The following DSCAM variants were observed in gnomAD, a reference collection of about 807,000 sequenced individuals.
The protein encoded by DSCAM is DS cell adhesion molecule.
In DSCAM, 47 loss-of-function variants were observed where a neutral mutation model predicts 217.7. The observed-to-expected ratio is 0.22, with a 90% CI of 0.17 to 0.28. The LOEUF is 0.28. DSCAM is among the 10% of genes least tolerant of loss of function. The pLI is 1.00. For synonymous variants in DSCAM, 1,056 were observed against 1,015.3 expected, an observed-to-expected ratio of 1.04 and a Z score of -0.76; for missense variants, 2,080 against 2,618.3, an observed-to-expected ratio of 0.79 and a Z score of 4.49.
chr21:40,512,901 T>C (rs2076271178), intron 3 of DSCAM, among the ~76,000 whole-genome samples: 1 of 152,162 alleles, frequency 6.6e-6, no homozygotes, highest in Non-Finnish European at 1.5e-5. Flanking sequence ...TATTTTTATT[T>C]ATTTATTTAT....
intron 3 of DSCAM, among the ~76,000 whole-genome samples, chr21:40,573,865 A>T (rs1052774677): frequency 1.4e-4 from 22 of 152,280 alleles, no homozygotes; most frequent in African/African-American, 5.3e-4. Context: ...TATGCCATTA[A>T]AGATACAGCC....
chr21:40,817,406 T>C (rs1205573101), intron 1 of DSCAM, among the ~76,000 whole-genome samples: 1 of 152,186 alleles, frequency 6.6e-6, no homozygotes, highest in African/African-American at 2.4e-5. Context: ...AGCTAATTAT[T>C]AAAGTGTCTT....
At chr21:40,433,954 G>A (rs2075560368) in intron 3 of DSCAM, among the ~76,000 whole-genome samples, 1 of 152,216 alleles carries the variant, frequency 6.6e-6, no homozygotes, top group African/African-American at 2.4e-5. Context: ...TGCGTTGGGC[G>A]ATGTCACCTG....
intron 32 of DSCAM, 106 bp from the exon 33 acceptor site, chr21:40,013,492 C>A: frequency 1.3e-6 from 1 of 755,368 alleles, no homozygotes; most frequent in Non-Finnish European, 2.0e-6. Context: ...GATGAGAATG[C>A]CGCTGCACAC....
At chr21:40,818,794 C>T (rs996212688) in intron 1 of DSCAM, among the ~76,000 whole-genome samples, 8 of 151,722 alleles carry the variant, frequency 5.3e-5, no homozygotes, top group African/African-American at 1.7e-4. Flanking sequence ...TCTAAGAGAA[C>T]GACTAAATTT....
intron 3 of DSCAM, among the ~76,000 whole-genome samples, chr21:40,548,338 G>T (rs1036707201): frequency 6.6e-6 from 1 of 152,026 alleles, no homozygotes; most frequent in African/African-American, 2.4e-5. Flanking sequence ...TCCCAAGGGG[G>T]TTCGGCTTGG....
At chr21:40,405,297 G>GTA (rs1186873672) in intron 3 of DSCAM, among the ~76,000 whole-genome samples, 2 of 152,182 alleles carry the variant, frequency 1.3e-5, no homozygotes, top group African/African-American at 4.8e-5. Context: ...GAGACCTTGT[G>GTA]TATATAATAT....
At chr21:40,433,184 C>T (rs1200770462) in intron 3 of DSCAM, among the ~76,000 whole-genome samples, 7 of 151,726 alleles carry the variant, frequency 4.6e-5, no homozygotes, top group African/African-American at 1.7e-4. Context: ...CGGTGAAACC[C>T]TGTCTCTACT....
At chr21:40,370,403 GAAAAAA>G (rs2074883496) in intron 3 of DSCAM, among the ~76,000 whole-genome samples, 4 of 151,908 alleles carry the variant, frequency 2.6e-5, no homozygotes, top group South Asian at 2.1e-4. Flanking sequence ...TTTTATCTTT[GAAAAAA>G]GACTAAAATG....
At chr21:40,156,287 CAGAGAGAGAGAGAGAG>C (rs749781848) in intron 16 of DSCAM, among the ~76,000 whole-genome samples, 2,745 of 75,788 alleles carry the variant, frequency 0.036, 50 homozygotes, top group Middle Eastern at 0.08. Flanking sequence ...CAAACTAAGA[CAGAGAGAGAGAGAGAG>C]AGAGAGAGAG....
At chr21:40,025,285 G>C (rs2088355990) in intron 32 of DSCAM, among the ~76,000 whole-genome samples, 1 of 130,806 alleles carries the variant, frequency 7.6e-6, no homozygotes. Flanking sequence ...GTATTTTATT[G>C]AGGATTTTTG....
At chr21:40,411,363 G>A (rs1018582451) in intron 3 of DSCAM, among the ~76,000 whole-genome samples, 1 of 152,054 alleles carries the variant, frequency 6.6e-6, no homozygotes, top group Non-Finnish European at 1.5e-5. Context: ...AAGAAAGGGG[G>A]AAAGATAGAA....
intron 11 of DSCAM, among the ~76,000 whole-genome samples, chr21:40,254,335 C>A (rs1349538837): frequency 6.6e-6 from 1 of 152,070 alleles, no homozygotes; most frequent in Non-Finnish European, 1.5e-5. Flanking sequence ...GTTGGACTGG[C>A]TATGATGATA....
intron 3 of DSCAM, among the ~76,000 whole-genome samples, chr21:40,630,984 C>A (rs951194028): frequency 2.6e-5 from 4 of 152,224 alleles, no homozygotes; most frequent in African/African-American, 9.6e-5. Context: ...TGTCATCAAT[C>A]TGGATAATAA....
rs758386936 is a variant in DSCAM at position 40,349,136 on chromosome 21, C to CAAAA, written c.935-1195_935-1192dup. Among the ~76,000 whole-genome samples the CAAAA allele has an allele frequency of 1.4e-3, 54 of 38,720 alleles. 3 individuals are homozygous for CAAAA. Among genetic ancestry groups the CAAAA allele is most frequent in the African/African-American group, 3.1e-3 (32 of 10,292 alleles). The allele number at this position is 38,720 out of a possible 152,430, so 25.4% of individuals were successfully genotyped here. A position where few individuals can be genotyped will look rare whatever the true frequency, so the allele number is the denominator to read the frequency against. The stretch of plus-strand genomic sequence containing the variant: ...TGGGGGACAGAGTGAGACTCCATCT[C>CAAAA]AAAAAAAAAAAAAAAAAAAGAAATG... On this transcript the variant is annotated intron_variant, in intron 5 of 32. Transcript: ENST00000400454.
At chr21:40,493,521 T>C (rs2076092620) in intron 3 of DSCAM, among the ~76,000 whole-genome samples, 1 of 152,088 alleles carries the variant, frequency 6.6e-6, no homozygotes, top group Non-Finnish European at 1.5e-5. Flanking sequence ...GCTACAACAA[T>C]TTGTTAAGAA....
chr21:40,668,107 G>A (rs1202099949), intron 3 of DSCAM, among the ~76,000 whole-genome samples: 1 of 152,154 alleles, frequency 6.6e-6, no homozygotes, highest in Non-Finnish European at 1.5e-5. Flanking sequence ...TAGAGCTCCA[G>A]GCAACAGCAC....
Position 40,695,088 on chromosome 21 carries a change from T to C in DSCAM, c.362-2132A>G, listed in dbSNP as rs148674334. Among the ~76,000 whole-genome samples the C allele has an allele frequency of 5.3e-3, 802 of 152,202 alleles. 11 individuals carry two copies. The highest frequency in any genetic ancestry group is 0.017 in the Middle Eastern group (5 of 294). Reference sequence around the variant, plus strand: ...GCTTGTTTCTTTGCAATAAAATCACTCTGTCTCCCCAAACCTTCCGCAGAC... The same window carrying C: ...GCTTGTTTCTTTGCAATAAAATCACCCTGTCTCCCCAAACCTTCCGCAGAC... On this transcript the variant is annotated intron_variant, in intron 2 of 32. Transcript: ENST00000400454.
chr21:40,306,542 C>T (rs910393637), intron 9 of DSCAM, among the ~76,000 whole-genome samples: 1 of 145,482 alleles, frequency 6.9e-6, no homozygotes, highest in African/African-American at 2.6e-5. Flanking sequence ...GGAATGCTTC[C>T]AGTTTTTGCC....
Sources: allele counts gnomAD v4.1 joint callset (sites outside exome capture counted in the v4.1 genomes callset), GRCh38; gene constraint gnomAD v4.1.1; transcripts MANE v1.5; gene names NCBI Gene and HGNC (gene_info 2026-07-23, HGNC 2026-07-21).